NFATC1: variants seen among roughly 807,000 people sequenced by gnomAD.
NFATC1 encodes the protein nuclear factor of activated T cells 1, also known as nuclear factor of activated T-cells, cytoplasmic 1.
NFATC1 carries 22 observed loss-of-function variants against 76.0 expected under a neutral mutation model. The observed-to-expected ratio is 0.29, with a 90% confidence interval of 0.21 to 0.41. The LOEUF (loss-of-function observed/expected upper bound fraction) is 0.41, where lower values mean the gene tolerates loss of function less well. NFATC1 is among the 10% of genes least tolerant of loss of function. The probability of loss-of-function intolerance (pLI) is 1.00; values close to 1 mark genes in which losing one functional copy is unlikely to be tolerated. For missense variants in NFATC1, 1,357 were observed against 1,337.7 expected (o/e 1.01, Z -0.23); for synonymous variants, 704 against 613.1 (o/e 1.15, Z -2.19).
At chr18:79,397,047 AG>A (rs1186848154) in intron 1 of NFATC1, among the ~76,000 whole-genome samples, 2 of 152,198 alleles carry the variant, frequency 1.3e-5, no homozygotes, top group African/African-American at 4.8e-5. Flanking sequence ...AGTGAAAAAA[AG>A]ATGGCACAGT....
intron 9 of NFATC1, among the ~76,000 whole-genome samples, chr18:79,514,086 G>A (rs541549757): frequency 2.6e-5 from 4 of 152,136 alleles, no homozygotes; most frequent in African/African-American, 2.4e-5. Flanking sequence ...GCTGTGAGCC[G>A]GTCCAGGTGT....
chr18:79,410,731 C>A lies in NFATC1; in HGVS notation c.456C>A (p.Pro152=), dbSNP rs546688548. 3.1e-6 allele frequency: 5 copies of A among 1,613,074 alleles called. No homozygotes were observed. In the South Asian group the frequency reaches 4.4e-5, roughly 14 times the overall value. The change falls in exon 2 of 10, where the codon CCC becomes CCA. Residue 152 remains proline, a synonymous_variant. Transcript: ENST00000427363. This position sits in a 1 kb window ranked among gnomAD's most constrained non-coding sequence, Gnocchi z 6.7. ...TCCTCCCTAGCTCCAAACGGTCCCC[C>A]TCCACGGCCACGCTGAGTCTGCCCA... The part of the protein sequence containing the change: ...EDVLPSSKRS[P]STATLSLPSL...
intron 3 of NFATC1, among the ~76,000 whole-genome samples, chr18:79,446,887 C>T (rs1321568128): frequency 3.3e-5 from 5 of 152,356 alleles, no homozygotes; most frequent in East Asian, 3.9e-4. Flanking sequence ...GTGATGCCTT[C>T]GTTCAGCCTC....
chr18:79,447,669 G>A (rs375941139), intron 3 of NFATC1, among the ~76,000 whole-genome samples: 1 of 152,208 alleles, frequency 6.6e-6, no homozygotes, highest in African/African-American at 2.4e-5. Context: ...GCCCCACTGC[G>A]CAAAGGGTTT....
At chr18:79,510,901 A>G (rs376952) in intron 9 of NFATC1, among the ~76,000 whole-genome samples, 36 of 149,946 alleles carry the variant, frequency 2.4e-4, no homozygotes, top group Admixed American at 2.1e-3. Context: ...CTCCGCCGGG[A>G]CATCCTCCAC....
intron 7 of NFATC1, among the ~76,000 whole-genome samples, chr18:79,464,338 G>A (rs921973779): frequency 1.3e-4 from 19 of 148,874 alleles, no homozygotes; most frequent in Non-Finnish European, 2.5e-4. Context: ...CAGGTGATCC[G>A]CCCACCGTGG....
At chr18:79,420,069 C>T (rs936645436) in intron 2 of NFATC1, among the ~76,000 whole-genome samples, 11 of 152,228 alleles carry the variant, frequency 7.2e-5, no homozygotes, top group Non-Finnish European at 1.3e-4. Context: ...GCCGTGTGCA[C>T]CTCCCAAGGT....
At chr18:79,433,432 T>C in intron 2 of NFATC1, 147 bp from the exon 3 acceptor site, 1 of 957,584 alleles carries the variant, frequency 1.0e-6, no homozygotes, top group Non-Finnish European at 1.6e-6. Flanking sequence ...AAGCACTGCA[T>C]TGACACAGGC....
intron 8 of NFATC1, among the ~76,000 whole-genome samples, chr18:79,482,420 T>C (rs1467984931): frequency 3.5e-4 from 49 of 139,098 alleles, no homozygotes; most frequent in Non-Finnish European, 5.3e-4. Context: ...TGGGGTGTCA[T>C]TCCAGCGTGA....
intron 2 of NFATC1, among the ~76,000 whole-genome samples, chr18:79,415,948 G>A (rs983976478): frequency 8.5e-5 from 13 of 152,142 alleles, no homozygotes; most frequent in Non-Finnish European, 1.5e-4. Flanking sequence ...TGTAATCCCA[G>A]CTACTCAGAA....
intron 3 of NFATC1, among the ~76,000 whole-genome samples, chr18:79,444,569 G>A (rs939492697): frequency 3.9e-5 from 6 of 152,248 alleles, no homozygotes; most frequent in African/African-American, 1.4e-4. Flanking sequence ...TCCGGCAGAT[G>A]AAGCTGCCCC....
intron 1 of NFATC1, among the ~76,000 whole-genome samples, chr18:79,409,680 G>C (rs2085590379): frequency 6.6e-6 from 1 of 151,840 alleles, no homozygotes; most frequent in Non-Finnish European, 1.5e-5. Context: ...TTCTTTACCT[G>C]TCTATCCATC....
In NFATC1 at chr18:79,433,600, C is replaced by G. The variant is rs563079501; in HGVS notation, c.1248C>G (p.Asp416Glu). 5.0e-6 allele frequency: 8 copies of G among 1,613,098 alleles called. No individual in the cohort carries two copies. The African/African-American group carries it at 8.0e-5, about 16-fold the overall frequency. The stretch of plus-strand genomic sequence containing the variant: ...CCAGCCCGACCCTGCCCGCCCTGGA[C>G]TGGCAGCTGCCGTCCCACTCAGGCC... ...SYMSPTLPAL[D>E]WQLPSHSGPY... Residue 416 changes from aspartate to glutamate, a missense_variant, in exon 3 of 10, where the codon GAC becomes GAG. By Grantham distance (45) the Asp-to-Glu change is conservative (BLOSUM62 2). Transcript: ENST00000427363.
chr18:79,486,364 C>T lies in NFATC1; in HGVS notation c.2209C>T (p.Pro737Ser), dbSNP rs780648832. The T allele has an allele frequency of 6.2e-7, 1 of 1,613,042 alleles. No individual in the cohort carries two copies. Among genetic ancestry groups the T allele is most frequent in the Non-Finnish European group, 8.5e-7 (1 of 1,179,994 alleles). ...RPYYSQQLAM[P>S]PDPSSCLVAG... ...ATACTACAGCCAGCAGCTCGCGATG[C>T]CACCCGACCCCAGCTCCTGCCTCGT... is the stretch of plus-strand genomic sequence containing the variant. The change falls in exon 9 of 10, where the codon CCA becomes TCA. Residue 737 changes from proline to serine, a missense_variant. Physicochemically the swap from Pro to Ser is moderately conservative, Grantham distance 74. Coordinates refer to ENST00000427363, the MANE Select transcript of NFATC1 (RefSeq NM_001278669.2).
chr18:79,415,038 A>AC, intron 2 of NFATC1, among the ~76,000 whole-genome samples: 2 of 152,194 alleles, frequency 1.3e-5, no homozygotes, highest in Non-Finnish European at 2.9e-5. Flanking sequence ...CCACCTGGGC[A>AC]CCTGCCACAG....
intron 9 of NFATC1, chr18:79,498,336 C>A (rs2089942414): frequency 2.1e-5 from 3 of 145,950 alleles, no homozygotes; most frequent in African/African-American, 2.6e-5. Flanking sequence ...AGAGAATATC[C>A]ATAATGAGAT....
intron 6 of NFATC1, among the ~76,000 whole-genome samples, chr18:79,457,533 T>C (rs1379007802): frequency 6.6e-6 from 1 of 152,256 alleles, no homozygotes; most frequent in African/African-American, 2.4e-5. Context: ...ATGGTCATGT[T>C]GGCTAGTTTC....
At chr18:79,438,817 G>A (rs575256458) in intron 3 of NFATC1, among the ~76,000 whole-genome samples, 11 of 152,294 alleles carry the variant, frequency 7.2e-5, no homozygotes, top group East Asian at 1.9e-4. Context: ...AGGGTGGGGC[G>A]GGCCCGCTGG....
At chr18:79,485,573 C>G (rs1443239429) in intron 8 of NFATC1, among the ~76,000 whole-genome samples, 2 of 152,222 alleles carry the variant, frequency 1.3e-5, no homozygotes, top group Non-Finnish European at 2.9e-5. Flanking sequence ...GACCCAGCAC[C>G]CGCCCTGTGG....
Sources: gnomAD v4.1 joint callset for allele counts (sites outside exome capture counted in the v4.1 genomes callset) on GRCh38, gnomAD v4.1.1 for gene constraint, Gnocchi (gnomAD v3.1) non-coding constraint, MANE v1.5 for transcripts, NCBI Gene and HGNC (gene_info 2026-07-23, HGNC 2026-07-21) for gene names.